Variants in SGCZ observed in about 807,000 individuals in gnomAD.
SGCZ encodes the protein zeta-sarcoglycan.
In SGCZ, 40 loss-of-function variants were observed where a neutral mutation model predicts 41.3. The ratio of observed to expected loss-of-function variants is 0.97; its 90% CI spans 0.75 to 1.26. The LOEUF (loss-of-function observed/expected upper bound fraction) is 1.26, where lower values mean the gene tolerates loss of function less well. Among genes scored for constraint, SGCZ ranks in the 50% most tolerant of loss-of-function variants. SGCZ has a pLI of 0.00. For missense variants in SGCZ, 552 were observed against 369.8 expected, an observed-to-expected ratio of 1.49 and a Z score of -4.04; for synonymous variants, 206 against 137.5, an observed-to-expected ratio of 1.50 and a Z score of -3.49.
chr8:14,872,156 C>T (rs1804181278), intron 1 of SGCZ, among the ~76,000 whole-genome samples: 1 of 151,698 alleles, frequency 6.6e-6, no homozygotes, highest in Non-Finnish European at 1.5e-5. Flanking sequence ...CATCACACAC[C>T]AGGGCCTGAC....
chr8:14,732,683 G>A (rs1798902636), intron 1 of SGCZ, among the ~76,000 whole-genome samples: 1 of 152,108 alleles, frequency 6.6e-6, no homozygotes, highest in African/African-American at 2.4e-5. Context: ...TAACCTTTCC[G>A]AATAGGTCTT....
intron 2 of SGCZ, among the ~76,000 whole-genome samples, chr8:14,368,928 T>A (rs1044078143): frequency 5.9e-5 from 9 of 151,948 alleles, no homozygotes; most frequent in African/African-American, 2.2e-4. Context: ...AATGGGCTTT[T>A]AACTAGGACT....
In SGCZ at chr8:14,190,014, C is replaced by CTTTTTTTTTTT. The variant is rs71304966; in HGVS notation, c.425-25323_425-25313dup. Among the ~76,000 whole-genome samples the CTTTTTTTTTTT allele has an allele frequency of 1.8e-4, 18 of 100,194 alleles. 1 individual carries two copies. The highest frequency in any genetic ancestry group is 5.8e-4 in the East Asian group (2 of 3,438). The allele number at this position is 100,194 out of a possible 152,430, so 65.7% of individuals were successfully genotyped here. On this transcript the variant is annotated intron_variant, in intron 4 of 7. Transcript: ENST00000382080. ...GAATCTACTTTTTCTTTCTTTCTTT[C>CTTTTTTTTTTT]TTTTTTTTTTTTTTTTGAGACGGAC...
Position 14,902,261 on chromosome 8 carries a change from T to G in SGCZ, c.39+335324A>C, listed in dbSNP as rs147041066. On this transcript the variant is annotated intron_variant, in intron 1 of 7. Coordinates refer to ENST00000382080, the MANE Select transcript of SGCZ (RefSeq NM_139167.4). ...TCCATCTACTGTTTTGAGTTTCTGG[T>G]CTTTTACTTGTTTCTCTTGTCTTCC... Among the ~76,000 whole-genome samples, 723 of 152,218 alleles carry G rather than the reference T, an allele frequency of 4.7e-3. 3 individuals are homozygous for G. The highest frequency in any genetic ancestry group is 8.2e-3 in the Non-Finnish European group (558 of 68,002).
chr8:14,817,761 G>A (rs4348490), intron 1 of SGCZ, among the ~76,000 whole-genome samples: 26,184 of 152,098 alleles, frequency 0.17, 2,626 homozygotes, highest in Middle Eastern at 0.27. Context: ...GCCCATGTGC[G>A]CTCATTGTTG....
At chr8:14,118,362 G>A (rs570902884) in intron 5 of SGCZ, among the ~76,000 whole-genome samples, 67 of 152,260 alleles carry the variant, frequency 4.4e-4, no homozygotes, top group African/African-American at 1.6e-3. Flanking sequence ...CCACATAAAT[G>A]TCTTCTTTTG....
intron 1 of SGCZ, among the ~76,000 whole-genome samples, chr8:14,944,761 C>T (rs1800386197): frequency 1.3e-5 from 2 of 152,146 alleles, no homozygotes; most frequent in African/African-American, 4.8e-5. Context: ...CCCTTTTCAA[C>T]TTAAGATGGG....
At chr8:14,964,057 T>G (rs1240975060) in intron 1 of SGCZ, among the ~76,000 whole-genome samples, 4 of 152,186 alleles carry the variant, frequency 2.6e-5, no homozygotes, top group Non-Finnish European at 5.9e-5. Flanking sequence ...AATAAATTGA[T>G]CTTATAAGCC....
At chr8:14,264,051 AG>A (rs1335080698) in intron 3 of SGCZ, among the ~76,000 whole-genome samples, 4 of 152,216 alleles carry the variant, frequency 2.6e-5, no homozygotes, top group South Asian at 4.1e-4. Context: ...CTACAGCCCC[AG>A]CAGTATGGTC....
intron 1 of SGCZ, among the ~76,000 whole-genome samples, chr8:14,657,693 T>C (rs1246364494): frequency 1.3e-5 from 2 of 151,552 alleles, no homozygotes; most frequent in Non-Finnish European, 2.9e-5. Flanking sequence ...AAAACGTGTC[T>C]CTCTGTTGTC....
intron 2 of SGCZ, among the ~76,000 whole-genome samples, chr8:14,424,980 C>A (rs1015970365): frequency 6.6e-6 from 1 of 152,076 alleles, no homozygotes; most frequent in Non-Finnish European, 1.5e-5. Flanking sequence ...GAGAAAAATA[C>A]GTAAATATCA....
intron 1 of SGCZ, among the ~76,000 whole-genome samples, chr8:14,594,152 G>A (rs1805330138): frequency 6.6e-6 from 1 of 150,794 alleles, no homozygotes; most frequent in Non-Finnish European, 1.5e-5. Flanking sequence ...TCCAGCCTGG[G>A]CAACAGAGCA....
chr8:14,894,332 A>G (rs1805119233), intron 1 of SGCZ, among the ~76,000 whole-genome samples: 1 of 152,330 alleles, frequency 6.6e-6, no homozygotes, highest in East Asian at 1.9e-4. Context: ...CTTCTAAAAT[A>G]TATAAAGCAC....
chr8:14,333,382 A>C (rs1335427385), intron 2 of SGCZ, among the ~76,000 whole-genome samples: 1 of 152,148 alleles, frequency 6.6e-6, no homozygotes, highest in Admixed American at 6.5e-5. Context: ...TACCCTAAAA[A>C]TTGCCATCTG....
chr8:14,570,962 A>T (rs962482505), intron 1 of SGCZ, among the ~76,000 whole-genome samples: 1 of 152,202 alleles, frequency 6.6e-6, no homozygotes, highest in African/African-American at 2.4e-5. Flanking sequence ...AAATAAAATG[A>T]CTTTCATACT....
rs1554478141 is a variant in SGCZ at position 14,674,928 on chromosome 8, G to GCTTTTTTTTTTTTTTTTTTTTTTTTTT, written c.40-120003_40-120002insAAAAAAAAAAAAAAAAAAAAAAAAAAG. ...GCCAATTTAACCTCTTTTCTTTTCT[G>GCTTTTTTTTTTTTTTTTTTTTTTTTTT]TTTTTTTTTTTTTTTTTTTTTTTTT... On this transcript the variant is annotated intron_variant, in intron 1 of 7. Coordinates refer to ENST00000382080, the MANE Select transcript of SGCZ (RefSeq NM_139167.4). Among the ~76,000 whole-genome samples, 68 of 71,006 alleles carry GCTTTTTTTTTTTTTTTTTTTTTTTTTT rather than the reference G, an allele frequency of 9.6e-4. 18 individuals carry two copies. The highest frequency in any genetic ancestry group is 2.8e-3 in the African/African-American group (56 of 19,696). The allele number at this position is 71,006 out of a possible 152,430, so 46.6% of individuals were successfully genotyped here. A position where few individuals can be genotyped will look rare whatever the true frequency, so the allele number is the denominator to read the frequency against.
chr8:14,148,617 G>T (rs1441371673), intron 5 of SGCZ, among the ~76,000 whole-genome samples: 1 of 151,834 alleles, frequency 6.6e-6, no homozygotes, highest in African/African-American at 2.4e-5. Flanking sequence ...CATTTAAAGA[G>T]GAATGAATAC....
intron 1 of SGCZ, among the ~76,000 whole-genome samples, chr8:14,736,184 A>T (rs903678993): frequency 1.3e-5 from 2 of 152,106 alleles, no homozygotes; most frequent in Non-Finnish European, 2.9e-5. Flanking sequence ...TATATGAGCC[A>T]TGTTTTGTAG....
intron 2 of SGCZ, among the ~76,000 whole-genome samples, chr8:14,550,987 C>A (rs1156805193): frequency 6.6e-6 from 1 of 151,908 alleles, no homozygotes. Flanking sequence ...CTTCTTTCCC[C>A]AATTTGTTTA....
Sources: allele counts gnomAD v4.1 joint callset (sites outside exome capture counted in the v4.1 genomes callset), GRCh38; gene constraint gnomAD v4.1.1; transcripts MANE v1.5; gene names NCBI Gene and HGNC (gene_info 2026-07-23, HGNC 2026-07-21).